The following B2M variants were observed in gnomAD, a reference collection of about 807,000 sequenced individuals.
B2M encodes beta-2-microglobulin.
A neutral mutation model predicts 14.5 loss-of-function variants in B2M; 3 were observed. The ratio of observed to expected loss-of-function variants is 0.21; its 90% CI spans 0.09 to 0.53. The LOEUF (loss-of-function observed/expected upper bound fraction) is 0.53. Ranked by LOEUF, B2M falls within the 20% of genes least tolerant of loss-of-function variation. The pLI is 0.95. For missense variants in B2M, 107 were observed against 140.8 expected (o/e 0.76, Z 1.21); for synonymous variants, 45 against 52.7 (o/e 0.85, Z 0.64).
At chr15:44,712,280 CT>C (rs773007047) in intron 1 of B2M, among the ~76,000 whole-genome samples, 2 of 152,208 alleles carry the variant, frequency 1.3e-5, no homozygotes, top group Non-Finnish European at 2.9e-5. Context: ...TCACATGTCA[CT>C]TTTAAAAAAT....
At position 44,716,321 on chromosome 15, in the gene B2M, T is replaced by C. The variant is rs1258230725; in HGVS notation, c.347-8T>C. The C allele has an allele frequency of 6.2e-7, 1 of 1,612,154 alleles. No homozygotes were observed. The highest frequency in any genetic ancestry group is 8.5e-7 in the Non-Finnish European group (1 of 1,178,180). On this transcript the variant is annotated splice_polypyrimidine_tract_variant and splice_region_variant and intron_variant, in intron 2 of 3. Coordinates refer to ENST00000648006, the MANE Select transcript of B2M (RefSeq NM_004048.4). Reference sequence around the variant, plus strand: ...CTTCCTTTTTTTTCTCCACTGTCTTTTTCATAGATCGAGACATGTAAGCAG... The same window carrying C: ...CTTCCTTTTTTTTCTCCACTGTCTTCTTCATAGATCGAGACATGTAAGCAG...
At chr15:44,713,764 A>G (rs1340408326) in intron 1 of B2M, 1 of 152,190 alleles carries the variant, frequency 6.6e-6, no homozygotes, top group African/African-American at 2.4e-5. Context: ...GAGCTCTCTT[A>G]GCTTTTAATG....
chr15:44,717,272 A>G (rs983560812), intron 3 of B2M: 4 of 152,224 alleles, frequency 2.6e-5, no homozygotes, highest in Non-Finnish European at 5.9e-5. Context: ...TACTGTACTG[A>G]ATACTGTGGG....
At chr15:44,713,774 G>T (rs2086912964) in intron 1 of B2M, 1 of 152,060 alleles carries the variant, frequency 6.6e-6, no homozygotes, top group Admixed American at 6.5e-5. Flanking sequence ...AGCTTTTAAT[G>T]TTATGAAAAA....
chr15:44,711,589 C>A lies in B2M; in HGVS notation c.43C>A (p.Leu15Ile). The change falls in exon 1 of 4, where the codon CTT becomes ATT. Residue 15 changes from leucine (L) to isoleucine (I), a missense_variant. Leu to Ile is a conservative substitution (Grantham distance 5, BLOSUM62 2). Coordinates refer to ENST00000648006, the MANE Select transcript of B2M (RefSeq NM_004048.4). ...VALAVLALLS[L>I]SGLEAIQRTP... Reference sequence around the variant, plus strand: ...CTTAGCTGTGCTCGCGCTACTCTCTCTTTCTGGCCTGGAGGCTATCCAGCG... The same window carrying A: ...CTTAGCTGTGCTCGCGCTACTCTCTATTTCTGGCCTGGAGGCTATCCAGCG... 1 of 1,613,908 alleles carries A rather than the reference C, an allele frequency of 6.2e-7. No individual in the cohort carries two copies. The highest frequency in any genetic ancestry group is 8.5e-7 in the Non-Finnish European group (1 of 1,180,006).
chr15:44,712,014 C>T (rs2086877844), intron 1 of B2M: 2 of 333,768 alleles, frequency 6.0e-6, no homozygotes, highest in Admixed American at 8.4e-5. Context: ...AAAGGCGCGG[C>T]GCTGAGGTTT....
At chr15:44,712,118 T>C (rs2086880581) in intron 1 of B2M, 1 of 276,366 alleles carries the variant, frequency 3.6e-6, no homozygotes, top group Non-Finnish European at 7.2e-6. Flanking sequence ...TGGAGAGCTG[T>C]GGACTTCGTC....
At chr15:44,715,802 G>C in intron 2 of B2M, 101 bp downstream of exon 2, 1 of 1,374,842 alleles carries the variant, frequency 7.3e-7, no homozygotes, top group Non-Finnish European at 1.0e-6. Flanking sequence ...ATACTACCCT[G>C]AATGAGTCCC....
Position 44,715,247 on chromosome 15 carries a change from C to T in B2M, c.68-176C>T, listed in dbSNP as rs574903612. On this transcript the variant is annotated intron_variant, in intron 1 of 3. Coordinates refer to ENST00000648006, the MANE Select transcript of B2M (RefSeq NM_004048.4). ...AGATACCAAGTCACGGTTTATTCTT[C>T]AAAATGGAGGTGGCTTGTTGGGAAG... 82 of 717,930 alleles carry T rather than the reference C, an allele frequency of 1.1e-4. No individual in the cohort carries two copies. The South Asian group carries it at 1.3e-3, about 11-fold the overall frequency. 44.5% of individuals were successfully genotyped at this position (717,930 alleles called of 1,614,324 possible).
intron 1 of B2M, chr15:44,712,905 G>A (rs2086898482): frequency 6.6e-6 from 1 of 151,934 alleles, no homozygotes; most frequent in Non-Finnish European, 1.5e-5. Context: ...CGGTGGCTGA[G>A]GCGGGAGGAT....
At chr15:44,711,818 T>C in intron 1 of B2M, 1 of 711,190 alleles carries the variant, frequency 1.4e-6, no homozygotes, top group African/African-American at 1.7e-5. Flanking sequence ...GGACGCGCGC[T>C]ACTTGCCCCT....
chr15:44,717,357 A>G (rs1469713922), intron 3 of B2M: 1 of 152,214 alleles, frequency 6.6e-6, no homozygotes, highest in Non-Finnish European at 1.5e-5. Context: ...TTTTAATCTT[A>G]TGAGACCACT....
At chr15:44,711,904 G>A (rs1566875505) in intron 1 of B2M, 2 of 571,778 alleles carry the variant, frequency 3.5e-6, no homozygotes, top group African/African-American at 1.9e-5. Flanking sequence ...GTCGATAAGC[G>A]TCAGAGCGCC....
intron 1 of B2M, 164 bp downstream of exon 1, chr15:44,711,777 G>A: frequency 1.1e-6 from 1 of 901,012 alleles, no homozygotes. Flanking sequence ...CGGCGGGGTG[G>A]CCTGGGAGTG....
At chr15:44,716,488 C>G in intron 3 of B2M, 132 bp downstream of exon 3, 1 of 1,021,072 alleles carries the variant, frequency 9.8e-7, no homozygotes, top group Non-Finnish European at 1.5e-6. Flanking sequence ...AAAGAAGAAT[C>G]CTACAGGGTC....
At chr15:44,712,752 A>C (rs1236661457) in intron 1 of B2M, 1 of 152,278 alleles carries the variant, frequency 6.6e-6, no homozygotes, top group South Asian at 2.1e-4. Context: ...TAATCCCAGC[A>C]CTTAGGGAGG....
At chr15:44,713,159 A>G (rs2086905826) in intron 1 of B2M, 1 of 152,186 alleles carries the variant, frequency 6.6e-6, no homozygotes, top group East Asian at 1.9e-4. Flanking sequence ...CTGGCAATAC[A>G]CTAAGCGCGC....
In B2M at chr15:44,711,922, G is replaced by A. The variant is rs1236688273; in HGVS notation, c.67+309G>A. The A allele has an allele frequency of 9.2e-6, 5 of 545,458 alleles. No individual in the cohort carries two copies. The East Asian group carries it at 1.3e-4, about 14-fold the overall frequency. 33.8% of individuals were successfully genotyped at this position (545,458 alleles called of 1,614,324 possible). ...GATAAGCGTCAGAGCGCCGAGGTTG[G>A]GGGAGGGTTTCTCTTCCGCTCTTTC... On this transcript the variant is annotated intron_variant, in intron 1 of 3. Transcript: ENST00000648006.
At position 44,715,661 on chromosome 15, in the gene B2M, G is replaced by A. The variant is rs1041811739; in HGVS notation, c.306G>A (p.Val102=). The change falls in exon 2 of 4, where the codon GTG becomes GTA. Residue 102 remains valine, a synonymous_variant. Coordinates refer to ENST00000648006, the MANE Select transcript of B2M (RefSeq NM_004048.4). ...PTEKDEYACR[V]NHVTLSQPKI... ...AAAAAGATGAGTATGCCTGCCGTGT[G>A]AACCATGTGACTTTGTCACAGCCCA... 6.8e-6 allele frequency: 11 copies of A among 1,614,076 alleles called. No individual in the cohort carries two copies. Among genetic ancestry groups the A allele is most frequent in the Non-Finnish European group, 9.3e-6 (11 of 1,180,030 alleles).
Sources: allele counts gnomAD v4.1 joint callset (sites outside exome capture counted in the v4.1 genomes callset), GRCh38; gene constraint gnomAD v4.1.1; transcripts MANE v1.5; gene names NCBI Gene and HGNC (gene_info 2026-07-23, HGNC 2026-07-21).